The following GALNTL6 variants were observed in gnomAD, a reference collection of about 807,000 sequenced individuals.
GALNTL6 encodes the protein polypeptide N-acetylgalactosaminyltransferase like 6.
A neutral mutation model predicts 73.7 loss-of-function variants in GALNTL6; 46 were observed. That is an observed-to-expected ratio of 0.62 (90% CI 0.49 to 0.80). The LOEUF (loss-of-function observed/expected upper bound fraction) is 0.80. Among genes scored for constraint, GALNTL6 ranks in the 30% least tolerant of loss-of-function variants. The probability of loss-of-function intolerance (pLI) is 0.00; values close to 1 mark genes in which losing one functional copy is unlikely to be tolerated. For missense variants in GALNTL6, 604 were observed against 755.0 expected (o/e 0.80, Z 2.34); for synonymous variants, 259 against 263.7 (o/e 0.98, Z 0.17).
chr4:172,472,864 T>TAAG (rs1367672917), intron 5 of GALNTL6, among the ~76,000 whole-genome samples: 1 of 152,112 alleles, frequency 6.6e-6, no homozygotes, highest in Non-Finnish European at 1.5e-5. Context: ...TGTAAAAGAA[T>TAAG]AAGTTTTTTG....
chr4:172,329,007 C>T (rs1302797220), intron 4 of GALNTL6, among the ~76,000 whole-genome samples: 1 of 152,186 alleles, frequency 6.6e-6, no homozygotes, highest in African/African-American at 2.4e-5. Flanking sequence ...AACTGCTGGG[C>T]TGCCTCCGAA....
At chr4:173,025,912 T>C (rs73872308) in intron 12 of GALNTL6, among the ~76,000 whole-genome samples, 3,848 of 152,334 alleles carry the variant, frequency 0.025, 159 homozygotes, top group African/African-American at 0.088. Context: ...GCACAGTTTC[T>C]GATCATAAGA....
intron 9 of GALNTL6, among the ~76,000 whole-genome samples, chr4:172,940,687 A>ATTT (rs993461075): frequency 2.4e-5 from 3 of 122,544 alleles, no homozygotes; most frequent in African/African-American, 5.9e-5. Context: ...TATTATTATT[A>ATTT]TTTAGAGACA....
At position 172,176,337 on chromosome 4, in the gene GALNTL6, C is replaced by CAAAAAAA. The variant is rs562300659; in HGVS notation, c.139-53306_139-53300dup. On this transcript the variant is annotated intron_variant, in intron 2 of 12. Coordinates refer to ENST00000506823, the MANE Select transcript of GALNTL6 (RefSeq NM_001034845.3). ...CCTGGGCGACAGCGAGACTCCGTCT[C>CAAAAAAA]AAAAAAAAAAAAAAAAAAAGAGTGT... 6.4e-4 allele frequency among the ~76,000 whole-genome samples: 20 copies of CAAAAAAA among 31,366 alleles called. 5 individuals are homozygous for CAAAAAAA. Among genetic ancestry groups the CAAAAAAA allele is most frequent in the South Asian group, 5.1e-3 (3 of 590 alleles). The allele number at this position is 31,366 out of a possible 152,430, so 20.6% of individuals were successfully genotyped here.
At chr4:172,193,610 C>T (rs1735652717) in intron 2 of GALNTL6, among the ~76,000 whole-genome samples, 1 of 151,934 alleles carries the variant, frequency 6.6e-6, no homozygotes, top group African/African-American at 2.4e-5. Context: ...TGCCTGTAAT[C>T]CCAGCACTTT....
At chr4:172,804,632 T>C (rs952130614) in intron 5 of GALNTL6, among the ~76,000 whole-genome samples, 3 of 152,224 alleles carry the variant, frequency 2.0e-5, no homozygotes, top group Non-Finnish European at 4.4e-5. Flanking sequence ...AGCAATGTCC[T>C]GGCCAGGCTC....
intron 5 of GALNTL6, among the ~76,000 whole-genome samples, chr4:172,730,380 C>A (rs1736074200): frequency 6.6e-6 from 1 of 152,034 alleles, no homozygotes; most frequent in East Asian, 1.9e-4. Flanking sequence ...TCTTAGATGG[C>A]CTTTATTATT....
At chr4:172,885,859 T>A (rs1745693503) in intron 8 of GALNTL6, among the ~76,000 whole-genome samples, 1 of 152,248 alleles carries the variant, frequency 6.6e-6, no homozygotes, top group Non-Finnish European at 1.5e-5. Context: ...ATATCACACT[T>A]ATTGATTTGT....
intron 5 of GALNTL6, among the ~76,000 whole-genome samples, chr4:172,702,841 T>C (rs1734105924): frequency 1.3e-5 from 2 of 152,006 alleles, no homozygotes; most frequent in South Asian, 2.1e-4. Context: ...TTTGTCATTA[T>C]AAATGGTGTC....
chr4:172,081,087 C>A (rs1042657638), intron 2 of GALNTL6, among the ~76,000 whole-genome samples: 1 of 152,052 alleles, frequency 6.6e-6, no homozygotes, highest in Non-Finnish European at 1.5e-5. Flanking sequence ...TAACATATAG[C>A]ACCCAAGTGC....
chr4:172,381,758 A>G (rs988863454), intron 5 of GALNTL6, among the ~76,000 whole-genome samples: 13 of 152,188 alleles, frequency 8.5e-5, no homozygotes, highest in African/African-American at 2.9e-4. Context: ...CAGTGATTAT[A>G]AAGACAGATA....
At chr4:172,141,664 G>T (rs1368778082) in intron 2 of GALNTL6, among the ~76,000 whole-genome samples, 1 of 151,792 alleles carries the variant, frequency 6.6e-6, no homozygotes, top group Admixed American at 6.6e-5. Context: ...CAACAAAAGA[G>T]GATGGCAGAA....
At position 172,650,632 on chromosome 4, in the gene GALNTL6, G is replaced by A. The variant is rs142401535; in HGVS notation, c.554-158729G>A. Among the ~76,000 whole-genome samples the A allele has an allele frequency of 4.7e-3, 715 of 152,164 alleles. 9 individuals are homozygous for A. The highest frequency in any genetic ancestry group is 0.014 in the African/African-American group (577 of 41,536). On this transcript the variant is annotated intron_variant, in intron 5 of 12. Coordinates refer to ENST00000506823, the MANE Select transcript of GALNTL6 (RefSeq NM_001034845.3). ...GGCCCAATACTGCCAGAGTGCTACAGAAAATAAATATGAATACATATCTAT... is the reference window on the plus strand; with the variant it reads ...GGCCCAATACTGCCAGAGTGCTACAAAAAATAAATATGAATACATATCTAT...
At chr4:172,898,530 G>A (rs185036269) in intron 8 of GALNTL6, among the ~76,000 whole-genome samples, 167 of 151,170 alleles carry the variant, frequency 1.1e-3, no homozygotes, top group African/African-American at 3.9e-3. Context: ...AGAAATGTAG[G>A]TGGATTCTTG....
At chr4:171,913,062 G>A (rs1215961272) in intron 2 of GALNTL6, among the ~76,000 whole-genome samples, 1 of 152,084 alleles carries the variant, frequency 6.6e-6, no homozygotes, top group Non-Finnish European at 1.5e-5. Flanking sequence ...TAAATACTCA[G>A]CAGAGGGATT....
intron 2 of GALNTL6, among the ~76,000 whole-genome samples, chr4:171,978,401 G>A (rs1271821360): frequency 6.6e-6 from 1 of 152,072 alleles, no homozygotes; most frequent in Non-Finnish European, 1.5e-5. Context: ...ATATCAAGCA[G>A]GCAGGAATCA....
At chr4:172,229,864 A>T (rs1736994095) in intron 3 of GALNTL6, 100 bp downstream of exon 3, 6 of 704,320 alleles carry the variant, frequency 8.5e-6, no homozygotes, top group Non-Finnish European at 1.5e-5. Context: ...GCACACTGTA[A>T]AGTATGTTTC....
At chr4:171,896,754 G>T (rs1016399847) in intron 2 of GALNTL6, among the ~76,000 whole-genome samples, 1 of 152,114 alleles carries the variant, frequency 6.6e-6, no homozygotes, top group Non-Finnish European at 1.5e-5. Context: ...AGATTTTATT[G>T]TATGAATTTG....
At chr4:172,926,186 A>C (rs1037177483) in intron 8 of GALNTL6, among the ~76,000 whole-genome samples, 1 of 152,154 alleles carries the variant, frequency 6.6e-6, no homozygotes, top group Non-Finnish European at 1.5e-5. Context: ...CACATGGTGG[A>C]AAGACCATGA....
Sources: allele counts gnomAD v4.1 joint callset (sites outside exome capture counted in the v4.1 genomes callset), GRCh38; gene constraint gnomAD v4.1.1; transcripts MANE v1.5; gene names NCBI Gene and HGNC (gene_info 2026-07-23, HGNC 2026-07-21).